MACROD2: variants seen among roughly 807,000 people sequenced by gnomAD.
MACROD2 encodes ADP-ribose glycohydrolase MACROD2.
MACROD2 carries 36 observed loss-of-function variants against 70.4 expected under a neutral mutation model. The observed-to-expected ratio is 0.51, with a 90% CI of 0.39 to 0.68. MACROD2 has a LOEUF of 0.68. Ranked by LOEUF, MACROD2 falls within the 30% of genes least tolerant of loss-of-function variation. MACROD2 has a pLI of 0.00. For synonymous variants in MACROD2, 172 were observed against 178.8 expected (o/e 0.96, Z 0.30); for missense variants, 496 against 538.4 (o/e 0.92, Z 0.78).
chr20:15,327,808 G>T (rs181992416), intron 6 of MACROD2, among the ~76,000 whole-genome samples: 3 of 151,974 alleles, frequency 2.0e-5, no homozygotes, highest in Middle Eastern at 3.2e-3. Flanking sequence ...GGATGATTGG[G>T]TTATATATTC....
At chr20:15,446,661 C>T (rs537979016) in intron 7 of MACROD2, among the ~76,000 whole-genome samples, 2 of 152,168 alleles carry the variant, frequency 1.3e-5, no homozygotes, top group Admixed American at 6.5e-5. Flanking sequence ...AAGTGATCAC[C>T]GGCAGCTCAG....
intron 6 of MACROD2, among the ~76,000 whole-genome samples, chr20:15,285,917 G>A (rs1043227992): frequency 5.3e-5 from 8 of 151,902 alleles, no homozygotes; most frequent in Non-Finnish European, 7.4e-5. Flanking sequence ...TACATATGTG[G>A]CAATTCTAAA....
intron 8 of MACROD2, among the ~76,000 whole-genome samples, chr20:15,825,714 C>T (rs990410625): frequency 1.3e-5 from 2 of 151,992 alleles, no homozygotes; most frequent in African/African-American, 4.8e-5. Flanking sequence ...GCATATTCTC[C>T]TTTGTAAGAA....
intron 7 of MACROD2, among the ~76,000 whole-genome samples, chr20:15,455,521 T>G (rs976555820): frequency 6.6e-6 from 1 of 152,170 alleles, no homozygotes; most frequent in Admixed American, 6.5e-5. Context: ...TACATACCCT[T>G]GGGGTACTAC....
At chr20:15,754,473 A>C (rs948613036) in intron 8 of MACROD2, among the ~76,000 whole-genome samples, 1 of 152,092 alleles carries the variant, frequency 6.6e-6, no homozygotes, top group Non-Finnish European at 1.5e-5. Context: ...AAATACAAAA[A>C]TTAGCTGGGT....
chr20:14,897,026 G>A (rs2073838565), intron 5 of MACROD2, among the ~76,000 whole-genome samples: 1 of 152,144 alleles, frequency 6.6e-6, no homozygotes, highest in Non-Finnish European at 1.5e-5. Context: ...GACATGGTGA[G>A]GTCTGCATGT....
intron 6 of MACROD2, among the ~76,000 whole-genome samples, chr20:15,405,410 A>C (rs910793275): frequency 6.6e-6 from 1 of 152,206 alleles, no homozygotes; most frequent in Admixed American, 6.5e-5. Context: ...CATACTGCGC[A>C]GAGGGGACTT....
At chr20:14,520,404 T>G (rs2085153600) in intron 4 of MACROD2, among the ~76,000 whole-genome samples, 2 of 152,180 alleles carry the variant, frequency 1.3e-5, no homozygotes, top group African/African-American at 4.8e-5. Flanking sequence ...TTTATTTCTT[T>G]GATGCTTATC....
At chr20:14,655,441 T>C (rs1256842017) in intron 4 of MACROD2, among the ~76,000 whole-genome samples, 1 of 151,932 alleles carries the variant, frequency 6.6e-6, no homozygotes, top group African/African-American at 2.4e-5. Context: ...GTTTACAAGC[T>C]CTTTAAAGAT....
At chr20:14,787,679 C>CA (rs1371331157) in intron 5 of MACROD2, among the ~76,000 whole-genome samples, 1 of 152,084 alleles carries the variant, frequency 6.6e-6, no homozygotes, top group Non-Finnish European at 1.5e-5. Flanking sequence ...CCGGGGAAGC[C>CA]ATGTTCCCGT....
intron 8 of MACROD2, among the ~76,000 whole-genome samples, chr20:15,784,325 AT>A (rs73615579): frequency 0.059 from 8,944 of 152,042 alleles, 353 homozygotes; most frequent in South Asian, 0.16. Context: ...CTGAGGAATG[AT>A]TTTTTTCTAC....
chr20:15,487,896 T>C (rs552442068), intron 7 of MACROD2, among the ~76,000 whole-genome samples: 1 of 152,176 alleles, frequency 6.6e-6, no homozygotes, highest in South Asian at 2.1e-4. Context: ...ATAATAAGGG[T>C]GAATGCTGCT....
intron 8 of MACROD2, among the ~76,000 whole-genome samples, chr20:15,709,678 A>G (rs2050595260): frequency 6.6e-6 from 1 of 152,138 alleles, no homozygotes. Flanking sequence ...AAAAGAAAAA[A>G]CAAAATATAT....
At chr20:14,167,439 A>C (rs1454353191) in intron 3 of MACROD2, among the ~76,000 whole-genome samples, 1 of 151,918 alleles carries the variant, frequency 6.6e-6, no homozygotes, top group East Asian at 1.9e-4. Flanking sequence ...GCTGGAGTGC[A>C]ATGGCAGGGT....
At chr20:14,293,193 A>C (rs2082400079) in intron 3 of MACROD2, among the ~76,000 whole-genome samples, 1 of 151,814 alleles carries the variant, frequency 6.6e-6, no homozygotes, top group Admixed American at 6.6e-5. Flanking sequence ...AGCACCTACT[A>C]GATACCATAT....
At chr20:14,690,889 G>A (rs984666272) in intron 5 of MACROD2, among the ~76,000 whole-genome samples, 12 of 152,110 alleles carry the variant, frequency 7.9e-5, no homozygotes, top group African/African-American at 2.7e-4. Flanking sequence ...GCCAGCCCCT[G>A]GTCTGTGGCA....
intron 3 of MACROD2, among the ~76,000 whole-genome samples, chr20:14,191,488 T>C (rs1222057908): frequency 2.6e-5 from 4 of 152,116 alleles, no homozygotes; most frequent in Admixed American, 6.5e-5. Context: ...TAGAACAAAA[T>C]AGACCAAAAA....
chr20:14,439,632 T>G, intron 3 of MACROD2, among the ~76,000 whole-genome samples: 1 of 152,170 alleles, frequency 6.6e-6, no homozygotes, highest in East Asian at 1.9e-4. Context: ...TGTACAACTT[T>G]GGGCAGAATG....
chr20:15,978,934 T>G (rs996923805), intron 13 of MACROD2, among the ~76,000 whole-genome samples: 1 of 152,222 alleles, frequency 6.6e-6, no homozygotes, highest in Non-Finnish European at 1.5e-5. Context: ...GGTTTTTATA[T>G]TCAATGATCA....
Sources: allele counts gnomAD v4.1 joint callset (sites outside exome capture counted in the v4.1 genomes callset), GRCh38; gene constraint gnomAD v4.1.1; transcripts MANE v1.5; gene names NCBI Gene and HGNC (gene_info 2026-07-23, HGNC 2026-07-21).